Variants in TNKS1BP1 observed in about 807,000 individuals in gnomAD.
TNKS1BP1 encodes CCR4-NOT transcription complex subunit 12.
In TNKS1BP1, 48 loss-of-function variants were observed where a neutral mutation model predicts 141.1. The observed-to-expected ratio is 0.34, with a 90% CI of 0.27 to 0.43. The LOEUF (loss-of-function observed/expected upper bound fraction) is 0.43, where lower values mean the gene tolerates loss of function less well. Among genes scored for constraint, TNKS1BP1 ranks in the 20% least tolerant of loss-of-function variants. The probability of loss-of-function intolerance (pLI) is 1.00; values close to 1 mark genes in which losing one functional copy is unlikely to be tolerated. For synonymous variants in TNKS1BP1, 875 were observed against 898.2 expected, an observed-to-expected ratio of 0.97 and a Z score of 0.46; for missense variants, 2,149 against 2,226.0, an observed-to-expected ratio of 0.97 and a Z score of 0.70.
At position 57,320,729 on chromosome 11, in the gene TNKS1BP1, G is replaced by T. The variant is rs1855873338; in HGVS notation, c.95-17C>A. ...GAGTGTCACCTACCAAAAGGAAAGG[G>T]TTGGTGGGGGAGCTGTCAGAAGAAC... On this transcript the variant is annotated splice_polypyrimidine_tract_variant and intron_variant, in intron 2 of 11. Transcript: ENST00000358252. The T allele has an allele frequency of 1.9e-6, 3 of 1,543,054 alleles. No homozygotes were observed. In the East Asian group the frequency reaches 6.8e-5, roughly 35 times the overall value.
intron 5 of TNKS1BP1, among the ~76,000 whole-genome samples, chr11:57,312,038 G>A (rs1342692027): frequency 6.6e-6 from 1 of 152,208 alleles, no homozygotes; most frequent in Non-Finnish European, 1.5e-5. Flanking sequence ...GGAAACTGAG[G>A]CAGAGGGCAG....
chr11:57,302,589 G>A lies in TNKS1BP1; in HGVS notation c.4553C>T (p.Thr1518Ile). The change falls in exon 7 of 12, where the codon ACA becomes ATA. Residue 1518 changes from threonine (T) to isoleucine (I), a missense_variant. Transcript: ENST00000358252. This position sits in a 1 kb window ranked among gnomAD's most constrained non-coding sequence, Gnocchi z 5.5. ...RPQPDGEASQ[T>I]EDVDGTWGSS... ...GCCCCAGGTGCCATCCACGTCTTCT[G>A]TCTGGCTGGCCTCACCATCAGGCTG... 6.2e-7 allele frequency: 1 copy of A among 1,612,998 alleles called. No homozygotes were observed. The highest frequency in any genetic ancestry group is 8.5e-7 in the Non-Finnish European group (1 of 1,179,930).
chr11:57,302,235 C>A lies in TNKS1BP1; in HGVS notation c.4684-11G>T. 6.2e-7 allele frequency: 1 copy of A among 1,604,692 alleles called. No homozygotes were observed. Among genetic ancestry groups the A allele is most frequent in the Non-Finnish European group, 8.5e-7 (1 of 1,175,088 alleles). On this transcript the variant is annotated splice_polypyrimidine_tract_variant and intron_variant, in intron 7 of 11. Transcript: ENST00000358252. This position sits in a 1 kb window ranked among gnomAD's most constrained non-coding sequence, Gnocchi z 5.5. ...GAGGATCTCGGTGTCCTGCTTGGGG[C>A]AATGGTGACACCACTGCCATTGCTG...
chr11:57,320,034 C>CA, intron 3 of TNKS1BP1, 45 bp downstream of exon 3: 1 of 1,578,380 alleles, frequency 6.3e-7, no homozygotes, highest in Non-Finnish European at 8.6e-7. Context: ...CCCACCCCAC[C>CA]TGACCTCCAG....
rs149824703 is a variant in TNKS1BP1, at chr11:57,300,898, T to C, written c.5115A>G (p.Pro1705=). ...LGKPLTLPPK[P]EKSSGSEGSS... is the part of the protein sequence containing the mutation. ...AGGTCACCTACCCTGAGGATTTCTCTGGCTTGGGAGGTAACGTGAGGGGCT... is the reference window on the plus strand; with the variant it reads ...AGGTCACCTACCCTGAGGATTTCTCCGGCTTGGGAGGTAACGTGAGGGGCT... Residue 1705 remains proline (P), a synonymous_variant, in exon 10 of 12, where the codon CCA becomes CCG. Transcript: ENST00000358252. 2,786 of 1,613,900 alleles carry C rather than the reference T, an allele frequency of 1.7e-3. 34 individuals are homozygous for C. In the African/African-American group the frequency reaches 0.033, roughly 19 times the overall value.
chr11:57,307,719 C>T (rs991698369), intron 6 of TNKS1BP1, among the ~76,000 whole-genome samples: 21 of 152,376 alleles, frequency 1.4e-4, no homozygotes, highest in African/African-American at 4.6e-4. Flanking sequence ...CTTTTTAGCA[C>T]GTTTCTCAGC....
chr11:57,313,877 A>T lies in TNKS1BP1; in HGVS notation c.811T>A (p.Trp271Arg). Residue 271 changes from tryptophan to arginine, a missense_variant, in exon 5 of 12, where the codon TGG (tryptophan) becomes AGG (arginine). By Grantham distance (101) the Trp-to-Arg change is moderately radical (BLOSUM62 -3). Coordinates refer to ENST00000358252, the MANE Select transcript of TNKS1BP1 (RefSeq NM_033396.3). The stretch of plus-strand genomic sequence containing the variant: ...GAGGGGGCTGGACTTGAGGGAATCC[A>T]GGGCTTGGAAATCTGCAAGAGAAAG... ...SELPADISKP[W>R]IPSSPAPSSE... The T allele has an allele frequency of 1.3e-6, 2 of 1,502,878 alleles. No individual in the cohort carries two copies. Among genetic ancestry groups the T allele is most frequent in the Non-Finnish European group, 1.8e-6 (2 of 1,129,278 alleles). 93.1% of individuals were successfully genotyped at this position (1,502,878 alleles called of 1,614,324 possible).
intron 1 of TNKS1BP1, among the ~76,000 whole-genome samples, chr11:57,322,557 T>C (rs556917624): frequency 3.2e-4 from 49 of 152,358 alleles, no homozygotes; most frequent in African/African-American, 1.1e-3. Flanking sequence ...GAATAAAAAG[T>C]AAACATCTGG....
intron 4 of TNKS1BP1, among the ~76,000 whole-genome samples, 180 bp downstream of exon 4, chr11:57,317,638 T>C (rs1011811948): frequency 6.6e-6 from 1 of 152,260 alleles, no homozygotes; most frequent in African/African-American, 2.4e-5. Flanking sequence ...CTAGCCACTT[T>C]GGTGATCAAG....
rs1254627461 is a variant in TNKS1BP1 at position 57,302,743 on chromosome 11, C to T, written c.4399G>A (p.Ala1467Thr). The T allele has an allele frequency of 3.2e-6, 5 of 1,584,334 alleles. No individual in the cohort carries two copies. The highest frequency in any genetic ancestry group is 4.3e-6 in the Non-Finnish European group (5 of 1,169,518). ...GCCGCTGACTCCCTCCGAGCCACCG[C>T]CTTGGAGCTGCTGGCTGCCAGCATC... ...EEMLAASSSKAVARRESAASG... is the reference protein window; with the variant it reads ...EEMLAASSSKTVARRESAASG... Residue 1467 changes from alanine to threonine, a missense_variant, in exon 7 of 12, where the codon GCG (alanine) becomes ACG (threonine). Ala to Thr is a moderately conservative substitution (Grantham distance 58). Transcript: ENST00000358252. This position sits in a 1 kb window ranked among gnomAD's most constrained non-coding sequence, Gnocchi z 5.5.
Position 57,302,838 on chromosome 11 carries a change from C to T in TNKS1BP1, c.4317-13G>A. 6.6e-7 allele frequency: 1 copy of T among 1,508,420 alleles called. No homozygotes were observed. The highest frequency in any genetic ancestry group is 8.8e-7 in the Non-Finnish European group (1 of 1,131,832). 93.4% of individuals were successfully genotyped at this position (1,508,420 alleles called of 1,614,324 possible). On this transcript the variant is annotated splice_polypyrimidine_tract_variant and intron_variant, in intron 6 of 11. Transcript: ENST00000358252. This position sits in a 1 kb window ranked among gnomAD's most constrained non-coding sequence, Gnocchi z 5.5. The stretch of plus-strand genomic sequence containing the variant: ...GCACCTGCCAGGGCTGTAAAGGGGA[C>T]AGAGAGAGAACGAGATCATCGTAAG...
In TNKS1BP1 at chr11:57,309,947, C is replaced by G. The variant is rs750636226; in HGVS notation, c.2764G>C (p.Asp922His). 1 of 1,614,218 alleles carries G rather than the reference C, an allele frequency of 6.2e-7. No homozygotes were observed. Among genetic ancestry groups the G allele is most frequent in the Admixed American group, 1.7e-5 (1 of 60,026 alleles). ...RDHHGRYSSQ[D>H]ADEQDWEFQK... ...AACTCCCAGTCCTGCTCATCGGCAT[C>G]CTGGCTGCTGTACCTACCATGGTGG... The change falls in exon 6 of 12, where the codon GAT becomes CAT. Residue 922 changes from aspartate (D) to histidine (H), a missense_variant. Coordinates refer to ENST00000358252, the MANE Select transcript of TNKS1BP1 (RefSeq NM_033396.3). The surrounding 1 kb of genome is among the most constrained non-coding windows in gnomAD (Gnocchi z 4.3).
chr11:57,324,872 G>A lies in TNKS1BP1; in HGVS notation c.-98C>T, dbSNP rs1480178061. On this transcript the variant is annotated 5_prime_UTR_variant, in exon 1 of 12. Coordinates refer to ENST00000358252, the MANE Select transcript of TNKS1BP1 (RefSeq NM_033396.3). ...CCCGGGGTCCGGCTCCGCTCGGCTC[G>A]GGGCCCCGATGCCAGTCCCCGCCGC... 7.0e-5 allele frequency: 69 copies of A among 988,094 alleles called. No individual in the cohort carries two copies. The highest frequency in any genetic ancestry group is 4.5e-4 in the East Asian group (4 of 8,866). 61.2% of individuals were successfully genotyped at this position (988,094 alleles called of 1,614,324 possible).
In TNKS1BP1 at chr11:57,308,442, A is replaced by G. The variant is rs376536773; in HGVS notation, c.4269T>C (p.Pro1423=). 1.1e-4 allele frequency: 183 copies of G among 1,613,962 alleles called. No homozygotes were observed. The highest frequency in any genetic ancestry group is 1.3e-4 in the Non-Finnish European group (151 of 1,180,004). ...DYSSSSLEPH[P]ADPGMETGEA... is the part of the protein sequence containing the mutation. ...CTCCTGTCTCCATTCCAGGGTCTGC[A>G]GGGTGTGGCTCCAAGGAAGACGAGG... Residue 1423 remains proline (P), a synonymous_variant, in exon 6 of 12, where the codon CCT becomes CCC. Coordinates refer to ENST00000358252, the MANE Select transcript of TNKS1BP1 (RefSeq NM_033396.3).
At chr11:57,323,614 G>T (rs1855917886) in intron 1 of TNKS1BP1, among the ~76,000 whole-genome samples, 1 of 152,138 alleles carries the variant, frequency 6.6e-6, no homozygotes, top group Non-Finnish European at 1.5e-5. Context: ...ATGGGAGAGG[G>T]TATGAAGACA....
rs151041431 is a variant in TNKS1BP1 at position 57,312,630 on chromosome 11, G to A, written c.2058C>T (p.Asp686=). The A allele has an allele frequency of 2.7e-5, 42 of 1,576,816 alleles. 2 individuals are homozygous for A. The South Asian group carries it at 4.2e-4, about 16-fold the overall frequency. The change falls in exon 5 of 12, where the codon GAC becomes GAT. Residue 686 remains aspartate, a synonymous_variant. Coordinates refer to ENST00000358252, the MANE Select transcript of TNKS1BP1 (RefSeq NM_033396.3). ...PGPESSSRWL[D]DLLASPPPSG... ...TGGGTGGTGGTGAAGCCAGGAGGTC[G>A]TCCAGCCAGCGGGAGCTGCTTTCAG...
At chr11:57,318,101 T>C (rs1855825396) in intron 3 of TNKS1BP1, among the ~76,000 whole-genome samples, 1 of 152,208 alleles carries the variant, frequency 6.6e-6, no homozygotes, top group East Asian at 1.9e-4. Flanking sequence ...GCTTATTCCC[T>C]ACCTGAGCAT....
intron 4 of TNKS1BP1, among the ~76,000 whole-genome samples, chr11:57,314,937 T>A (rs1855775334): frequency 1.3e-5 from 2 of 152,168 alleles, no homozygotes; most frequent in Admixed American, 1.3e-4. Flanking sequence ...CGTTCTAATG[T>A]CAAAGCTCGT....
intron 4 of TNKS1BP1, among the ~76,000 whole-genome samples, chr11:57,315,877 C>T (rs1279204283): frequency 2.0e-5 from 3 of 151,950 alleles, no homozygotes; most frequent in Non-Finnish European, 2.9e-5. Flanking sequence ...TCTCCTGCAT[C>T]GATTTTTTTT....
Sources: gnomAD v4.1 joint callset for allele counts (sites outside exome capture counted in the v4.1 genomes callset) on GRCh38, gnomAD v4.1.1 for gene constraint, Gnocchi (gnomAD v3.1) non-coding constraint, MANE v1.5 for transcripts, NCBI Gene and HGNC (gene_info 2026-07-23, HGNC 2026-07-21) for gene names.